The following KIF2A variants were observed in gnomAD, a reference collection of about 807,000 sequenced individuals.
KIF2A encodes kinesin family member 2A, also known as kinesin-like protein KIF2A.
In KIF2A, 22 loss-of-function variants were observed where a neutral mutation model predicts 100.2. The ratio of observed to expected loss-of-function variants is 0.22; its 90% CI spans 0.16 to 0.31. KIF2A has a LOEUF of 0.31. Ranked by LOEUF, KIF2A falls within the 10% of genes least tolerant of loss-of-function variation. The pLI is 1.00. For missense variants in KIF2A, 495 were observed against 898.7 expected (o/e 0.55, Z 5.74); for synonymous variants, 268 against 285.9 (o/e 0.94, Z 0.63).
chr5:62,371,556 T>G (rs1741330231), intron 16 of KIF2A, among the ~76,000 whole-genome samples: 1 of 152,192 alleles, frequency 6.6e-6, no homozygotes, highest in Non-Finnish European at 1.5e-5. Flanking sequence ...AGGGCTAGGT[T>G]TTAACCTCAG....
chr5:62,362,512 G>T lies in KIF2A; in HGVS notation c.1090G>T (p.Ala364Ser). Residue 364 changes from alanine (A) to serine (S), a missense_variant, in exon 12 of 21, where the codon GCA (alanine) becomes TCA (serine). Around this residue, in one of 10 missense-constraint regions of KIF2A, gnomAD observed 22 missense variants for 19.3 expected, o/e 1.14. Transcript: ENST00000407818. ...TAAGAAGCTAGAACTTCAAGTATAT[G>T]CAACCTTCTTTGAAATTTATAGTGG... Reference protein sequence around the residue: ...NYKKLELQVYATFFEIYSGKV... With the variant: ...NYKKLELQVYSTFFEIYSGKV... 1 of 1,451,050 alleles carries T rather than the reference G, an allele frequency of 6.9e-7. No individual in the cohort carries two copies. The highest frequency in any genetic ancestry group is 9.1e-7 in the Non-Finnish European group (1 of 1,103,452). 89.9% of individuals were successfully genotyped at this position (1,451,050 alleles called of 1,614,324 possible).
At chr5:62,348,210 G>A (rs766657872) in intron 3 of KIF2A, 43 bp downstream of exon 3, 62 of 1,605,038 alleles carry the variant, frequency 3.9e-5, no homozygotes, top group African/African-American at 5.4e-5. Flanking sequence ...GGGAGAGAGC[G>A]GGAGTTGTAG....
intron 1 of KIF2A, among the ~76,000 whole-genome samples, chr5:62,320,772 T>C (rs988079174): frequency 1.3e-4 from 20 of 152,132 alleles, no homozygotes; most frequent in African/African-American, 4.3e-4. Context: ...ATAAATATTA[T>C]AGTTTTAACC....
At chr5:62,337,805 C>T (rs1747048585) in intron 1 of KIF2A, among the ~76,000 whole-genome samples, 4 of 149,724 alleles carry the variant, frequency 2.7e-5, no homozygotes, top group East Asian at 2.0e-4. Context: ...GAGAGACCCC[C>T]GAACTCTTAA....
chr5:62,361,122 T>TA (rs1321151416), intron 9 of KIF2A, 120 bp from the exon 10 acceptor site: 32 of 509,662 alleles, frequency 6.3e-5, no homozygotes. Flanking sequence ...TTAACAAAGA[T>TA]TTGTTTAGAA....
intron 16 of KIF2A, among the ~76,000 whole-genome samples, chr5:62,368,472 T>C (rs1259272846): frequency 6.6e-6 from 1 of 152,086 alleles, no homozygotes; most frequent in East Asian, 1.9e-4. Flanking sequence ...TAAAATATAA[T>C]CACTTCTTTA....
intron 5 of KIF2A, 69 bp from the exon 6 acceptor site, chr5:62,353,206 T>TA (rs1407053856): frequency 5.2e-6 from 4 of 769,656 alleles, no homozygotes; most frequent in Non-Finnish European, 8.1e-6. Flanking sequence ...AAGTTATACA[T>TA]AAAAAAAGTT....
chr5:62,391,020 C>T lies in KIF2A; in HGVS notation c.*5451C>T, dbSNP rs758259989. The T allele has an allele frequency of 6.5e-7, 1 of 1,549,434 alleles. No individual in the cohort carries two copies. The highest frequency in any genetic ancestry group is 8.9e-7 in the Non-Finnish European group (1 of 1,121,662). ...GATTCAGAATAAATGAACGACATAT[C>T]TTTAATGAGGTCACCTTGACTCTTT... On this transcript the variant is annotated 3_prime_UTR_variant, in exon 21 of 21. Coordinates refer to ENST00000407818, the MANE Select transcript of KIF2A (RefSeq NM_001098511.3).
Position 62,352,585 on chromosome 5 carries a change from C to T in KIF2A, c.335-3C>T. The T allele has an allele frequency of 2.6e-6, 4 of 1,517,750 alleles. No individual in the cohort carries two copies. Among genetic ancestry groups the T allele is most frequent in the Non-Finnish European group, 3.5e-6 (4 of 1,134,708 alleles). 94.0% of individuals were successfully genotyped at this position (1,517,750 alleles called of 1,614,324 possible). A position where few individuals can be genotyped will look rare whatever the true frequency, so the allele number is the denominator to read the frequency against. On this transcript the variant is annotated splice_region_variant and splice_polypyrimidine_tract_variant and intron_variant, in intron 4 of 20. Transcript: ENST00000407818. ...ATTTAAAATTTTTTTTTTTTACTTACAGTGGTTGGTTCAGCACGTGCACGG... is the reference window on the plus strand; with the variant it reads ...ATTTAAAATTTTTTTTTTTTACTTATAGTGGTTGGTTCAGCACGTGCACGG...
At chr5:62,360,313 G>C (rs945527067) in intron 9 of KIF2A, among the ~76,000 whole-genome samples, 1 of 151,948 alleles carries the variant, frequency 6.6e-6, no homozygotes, top group African/African-American at 2.4e-5. Context: ...TTAGTGTACT[G>C]CTCAGGGGAA....
At position 62,389,062 on chromosome 5, in the gene KIF2A, G is replaced by C; in HGVS notation, c.*3493G>C. 6.3e-7 allele frequency: 1 copy of C among 1,582,812 alleles called. No homozygotes were observed. The highest frequency in any genetic ancestry group is 8.7e-7 in the Non-Finnish European group (1 of 1,154,616). ...GAATCCATGTAGCAATCTGAAAAAA[G>C]AAATCAAAATGGAATGGTACTGAAA... On this transcript the variant is annotated 3_prime_UTR_variant, in exon 21 of 21. Transcript: ENST00000407818.
chr5:62,380,938 A>G (rs1346969529), intron 19 of KIF2A, among the ~76,000 whole-genome samples, 180 bp from the exon 20 acceptor site: 1 of 152,142 alleles, frequency 6.6e-6, no homozygotes, highest in African/African-American at 2.4e-5. Flanking sequence ...GTTTAAACCC[A>G]TGTTGTTCCA....
intron 1 of KIF2A, among the ~76,000 whole-genome samples, chr5:62,331,869 G>T (rs1314472365): frequency 6.6e-6 from 1 of 150,426 alleles, no homozygotes; most frequent in Non-Finnish European, 1.5e-5. Flanking sequence ...TTGCTTTTTT[G>T]TATTTTTCCT....
intron 1 of KIF2A, among the ~76,000 whole-genome samples, chr5:62,340,831 A>G (rs2111885378): frequency 6.6e-6 from 1 of 152,264 alleles, no homozygotes; most frequent in South Asian, 2.1e-4. Context: ...AATTTGTATT[A>G]TAATTTAAAA....
chr5:62,331,044 T>C (rs1029168755), intron 1 of KIF2A, among the ~76,000 whole-genome samples: 2 of 152,220 alleles, frequency 1.3e-5, no homozygotes, highest in Non-Finnish European at 2.9e-5. Context: ...ATAAACAATC[T>C]TATAACTGAA....
Position 62,385,751 on chromosome 5 carries a change from G to A in KIF2A, c.*182G>A. 1.8e-6 allele frequency: 1 copy of A among 570,144 alleles called. No homozygotes were observed. Among genetic ancestry groups the A allele is most frequent in the African/African-American group, 1.9e-5 (1 of 53,412 alleles). The allele number at this position is 570,144 out of a possible 1,614,324, so 35.3% of individuals were successfully genotyped here. ...TTGTCTACAAAATGCTTCTAGTCCAGGAGGCACAACCAAGAACTGGGATTA... is the reference window on the plus strand; with the variant it reads ...TTGTCTACAAAATGCTTCTAGTCCAAGAGGCACAACCAAGAACTGGGATTA... On this transcript the variant is annotated 3_prime_UTR_variant, in exon 21 of 21. Transcript: ENST00000407818.
chr5:62,347,185 T>C lies in KIF2A; in HGVS notation c.120T>C (p.Thr40=). Residue 40 remains threonine (T), a synonymous_variant, in exon 2 of 21, where the codon ACT becomes ACC. Coordinates refer to ENST00000407818, the MANE Select transcript of KIF2A (RefSeq NM_001098511.3). ...TAAATGAAGATAATGAAAGTGTAAC[T>C]GTTGAATGGATAGAAAATGGAGATA... is the stretch of plus-strand genomic sequence containing the variant. ...TSLNEDNESV[T]VEWIENGDTK... 6.2e-7 allele frequency: 1 copy of C among 1,601,214 alleles called. No homozygotes were observed. Among genetic ancestry groups the C allele is most frequent in the Non-Finnish European group, 8.5e-7 (1 of 1,171,724 alleles).
chr5:62,338,867 C>T (rs1322478639), intron 1 of KIF2A, among the ~76,000 whole-genome samples: 1 of 151,720 alleles, frequency 6.6e-6, no homozygotes, highest in Non-Finnish European at 1.5e-5. Context: ...ACAAAGAGGC[C>T]CCAACACTCA....
chr5:62,372,807 C>T (rs960528356), intron 17 of KIF2A, among the ~76,000 whole-genome samples: 9 of 152,162 alleles, frequency 5.9e-5, no homozygotes, highest in African/African-American at 1.9e-4. Context: ...CTTTTGCATA[C>T]TTACCATTAA....
Sources: gnomAD v4.1 joint callset for allele counts (sites outside exome capture counted in the v4.1 genomes callset) on GRCh38, gnomAD v4.1.1 for gene constraint, gnomAD v4.1.1 regional missense constraint, MANE v1.5 for transcripts, NCBI Gene and HGNC (gene_info 2026-07-23, HGNC 2026-07-21) for gene names.